The following CNOT1 variants were observed in gnomAD, a reference collection of about 807,000 sequenced individuals.
CNOT1 encodes CCR4-NOT transcription complex subunit 1, also known as CCR4-associated factor 1.
CNOT1 carries 15 observed loss-of-function variants against 273.8 expected under a neutral mutation model. The ratio of observed to expected loss-of-function variants is 0.05; its 90% confidence interval spans 0.04 to 0.08. CNOT1 has a LOEUF of 0.08. Ranked by LOEUF, CNOT1 falls within the 10% of genes least tolerant of loss-of-function variation. CNOT1 has a pLI of 1.00. For synonymous variants in CNOT1, 1,022 were observed against 1,005.5 expected (o/e 1.02, Z -0.31); for missense variants, 1,644 against 2,912.2 (o/e 0.56, Z 10.02).
Position 58,520,721 on chromosome 16 carries a change from T to C in CNOT1, c.*237A>G. 1.8e-6 allele frequency: 1 copy of C among 543,674 alleles called. No individual in the cohort carries two copies. Among genetic ancestry groups the C allele is most frequent in the Non-Finnish European group, 3.3e-6 (1 of 302,812 alleles). The allele number at this position is 543,674 out of a possible 1,614,324, so 33.7% of individuals were successfully genotyped here. On this transcript the variant is annotated 3_prime_UTR_variant, in exon 49 of 49. Transcript: ENST00000317147. ...TTTCTCTTTCATGTATTTACACAAG[T>C]TCAAAATGATATTCACAGCATCTTC...
chr16:58,604,897 G>A lies in CNOT1; in HGVS notation c.-174-5386C>T, dbSNP rs181995557. On this transcript the variant is annotated intron_variant, in intron 1 of 48. Transcript: ENST00000317147. ...CATGCCTGTAATCCCAGCACTTTGC[G>A]AGGCCGAGGCAGGTGGATCACAAGG... Among the ~76,000 whole-genome samples, 481 of 149,910 alleles carry A rather than the reference G, an allele frequency of 3.2e-3. 1 individual carries two copies. The highest frequency in any genetic ancestry group is 0.011 in the African/African-American group (457 of 40,898).
chr16:58,609,629 CTTATT>C (rs2152030236), intron 1 of CNOT1, among the ~76,000 whole-genome samples: 1 of 151,946 alleles, frequency 6.6e-6, no homozygotes, highest in African/African-American at 2.4e-5. Context: ...TGCCTGGCTA[CTTATT>C]TTATTTTTTG....
intron 16 of CNOT1, among the ~76,000 whole-genome samples, chr16:58,569,182 G>A (rs2041172556): frequency 6.6e-6 from 1 of 152,202 alleles, no homozygotes; most frequent in Non-Finnish European, 1.5e-5. Flanking sequence ...GAGTGCAGTG[G>A]CACAAACTCG....
At chr16:58,582,768 A>C (rs2041700863) in intron 10 of CNOT1, 25 bp downstream of exon 10, 1 of 1,254,460 alleles carries the variant, frequency 8.0e-7, no homozygotes, top group Non-Finnish European at 1.2e-6. Context: ...ACCACAAATC[A>C]AAAATCATCA....
rs767012502 is a variant in CNOT1, at chr16:58,551,649, A to G, written c.3141T>C (p.Thr1047=). The change falls in exon 23 of 49, where the codon ACT becomes ACC. Residue 1047 remains threonine (T), a synonymous_variant. Transcript: ENST00000317147. ...STMVTTSTTT[T]VAKTVTVTRP... Reference sequence around the variant, plus strand: ...TGGTGACCGTAACCGTTTTAGCAACAGTGGTAGTTGTTGAGGTGGTTACCA... The same window carrying G: ...TGGTGACCGTAACCGTTTTAGCAACGGTGGTAGTTGTTGAGGTGGTTACCA... The G allele has an allele frequency of 1.2e-6, 2 of 1,614,204 alleles. No individual in the cohort carries two copies. The highest frequency in any genetic ancestry group is 1.7e-6 in the Non-Finnish European group (2 of 1,180,040).
chr16:58,547,272 G>A lies in CNOT1; in HGVS notation c.3664C>T (p.Leu1222=). Residue 1222 remains leucine, a synonymous_variant, in exon 27 of 49, where the codon CTA becomes TTA. Transcript: ENST00000317147. This position sits in a 1 kb window ranked among gnomAD's most constrained non-coding sequence, Gnocchi z 4.0. ...TGTTGTCCTTTAACATAAGCCTCTA[G>A]CAGCAATGATTTCACATCCAAGTCC... ...HTDLDVKSLL[L]EAYVKGQQEL... is the part of the protein sequence containing the mutation. The A allele has an allele frequency of 6.2e-7, 1 of 1,613,792 alleles. No individual in the cohort carries two copies. Among genetic ancestry groups the A allele is most frequent in the Non-Finnish European group, 8.5e-7 (1 of 1,179,832 alleles).
intron 1 of CNOT1, among the ~76,000 whole-genome samples, chr16:58,602,949 C>T (rs2042527533): frequency 6.6e-6 from 1 of 152,104 alleles, no homozygotes; most frequent in Non-Finnish European, 1.5e-5. Context: ...AAAGCACTCC[C>T]CATCTCAGTT....
At chr16:58,539,982 C>G (rs1256702970) in intron 34 of CNOT1, 23 bp from the exon 35 acceptor site, 1 of 1,583,504 alleles carries the variant, frequency 6.3e-7, no homozygotes, top group Non-Finnish European at 8.6e-7. Context: ...AGGAAACAAC[C>G]AACAAGAGAC....
chr16:58,556,727 A>G (rs1024947863), intron 19 of CNOT1, 120 bp downstream of exon 19: 62 of 1,416,978 alleles, frequency 4.4e-5, no homozygotes, highest in Non-Finnish European at 5.2e-5. Flanking sequence ...CAAATTTGTG[A>G]ATTTATTCCC....
chr16:58,564,813 G>C (rs2040982337), intron 16 of CNOT1, among the ~76,000 whole-genome samples: 2 of 152,042 alleles, frequency 1.3e-5, no homozygotes, highest in Admixed American at 1.3e-4. Context: ...GCGCGCACCT[G>C]TAATCCCAAC....
At chr16:58,595,709 T>C (rs1182086970) in intron 2 of CNOT1, among the ~76,000 whole-genome samples, 2 of 152,042 alleles carry the variant, frequency 1.3e-5, no homozygotes, top group East Asian at 3.9e-4. Flanking sequence ...AAGCAGGCCA[T>C]CCTCCAGGGA....
rs749220018 is a variant in CNOT1 at position 58,546,650 on chromosome 16, G to C, written c.3828+22C>G. On this transcript the variant is annotated intron_variant, in intron 28 of 48. Coordinates refer to ENST00000317147, the MANE Select transcript of CNOT1 (RefSeq NM_016284.5). ...ATGTGAAGGCAAAGAATGTTCCAGA[G>C]GACAAGGAAGCAGTAAATTACCTTT... 6 of 1,613,686 alleles carry C rather than the reference G, an allele frequency of 3.7e-6. No homozygotes were observed. The East Asian group carries it at 1.1e-4, about 30-fold the overall frequency.
rs1567413579 is a variant in CNOT1, at chr16:58,570,471, T to A, written c.1979+4138A>T. Among the ~76,000 whole-genome samples, 9 of 152,206 alleles carry A rather than the reference T, an allele frequency of 5.9e-5. No homozygotes were observed. The South Asian group carries it at 1.9e-3, about 32-fold the overall frequency. On this transcript the variant is annotated intron_variant, in intron 16 of 48. Transcript: ENST00000317147. ...TGGGCAACATACTGAGAACCTCAAC[T>A]TTACAAAAAATTAAAAAATTTATCA...
Position 58,583,152 on chromosome 16 carries a change from C to T in CNOT1, c.837G>A (p.Gln279=). The T allele has an allele frequency of 6.2e-7, 1 of 1,613,996 alleles. No individual in the cohort carries two copies. Among genetic ancestry groups the T allele is most frequent in the Non-Finnish European group, 8.5e-7 (1 of 1,180,010 alleles). ...SIEECRNIIV[Q]FGVREVTAAQ... is the part of the protein sequence containing the mutation. The stretch of plus-strand genomic sequence containing the variant: ...CAGCTGTGACCTCCCGAACACCAAA[C>T]TGCACGATTATATTGCGACATTCTT... Residue 279 remains glutamine, a synonymous_variant, in exon 9 of 49, where the codon CAG becomes CAA. Transcript: ENST00000317147.
At chr16:58,528,932 TTCA>T (rs1374098842) in intron 43 of CNOT1, among the ~76,000 whole-genome samples, 5 of 143,746 alleles carry the variant, frequency 3.5e-5, no homozygotes, top group Admixed American at 7.4e-5. Context: ...AGCGTCTATC[TTCA>T]GAAGCTAAAA....
chr16:58,553,708 CA>C, intron 22 of CNOT1, 73 bp downstream of exon 22: 89 of 1,507,856 alleles, frequency 5.9e-5, no homozygotes, highest in Admixed American at 1.8e-4. Flanking sequence ...ATCAAGTCTA[CA>C]AAAAAAAGCC....
Position 58,525,379 on chromosome 16 carries a change from A to T in CNOT1, c.6604-20T>A. The T allele has an allele frequency of 6.2e-7, 1 of 1,608,744 alleles. No individual in the cohort carries two copies. Among genetic ancestry groups the T allele is most frequent in the Non-Finnish European group, 8.5e-7 (1 of 1,177,500 alleles). ...GGATACCTTAAAATGAGCAAAACAG[A>T]ACTCCTTATGCTTACTCCTGCAGAG... On this transcript the variant is annotated intron_variant, in intron 45 of 48. Transcript: ENST00000317147.
chr16:58,618,386 A>T (rs770770519), intron 1 of CNOT1, among the ~76,000 whole-genome samples: 1 of 152,126 alleles, frequency 6.6e-6, no homozygotes, highest in Non-Finnish European at 1.5e-5. Context: ...GTTCGAGACC[A>T]GCCTGGCCAA....
At chr16:58,539,164 C>A (rs2040001009) in intron 35 of CNOT1, among the ~76,000 whole-genome samples, 1 of 151,850 alleles carries the variant, frequency 6.6e-6, no homozygotes, top group South Asian at 2.1e-4. Flanking sequence ...TCCCTACCTA[C>A]CCTGATCCAA....
Sources: gnomAD v4.1 joint callset for allele counts (sites outside exome capture counted in the v4.1 genomes callset) on GRCh38, gnomAD v4.1.1 for gene constraint, Gnocchi (gnomAD v3.1) non-coding constraint, MANE v1.5 for transcripts, NCBI Gene and HGNC (gene_info 2026-07-23, HGNC 2026-07-21) for gene names.